Variants in AFTPH observed in about 807,000 individuals in gnomAD.
AFTPH encodes aftiphilin protein.
AFTPH carries 7 observed loss-of-function variants against 72.5 expected under a neutral mutation model. The observed-to-expected ratio is 0.10, with a 90% CI of 0.05 to 0.18. The LOEUF (loss-of-function observed/expected upper bound fraction) is 0.18, where lower values mean the gene tolerates loss of function less well. Among genes scored for constraint, AFTPH ranks in the 10% least tolerant of loss-of-function variants. The pLI is 1.00. For missense variants in AFTPH, 979 were observed against 1,060.5 expected (o/e 0.92, Z 1.07); for synonymous variants, 337 against 370.1 (o/e 0.91, Z 1.03).
At chr2:64,533,179 C>T (rs1267311229) in intron 1 of AFTPH, among the ~76,000 whole-genome samples, 4 of 152,068 alleles carry the variant, frequency 2.6e-5, no homozygotes, top group Non-Finnish European at 5.9e-5. Context: ...GGGTGGATTG[C>T]TTGAGCTCCA....
At chr2:64,584,033 A>C (rs962954036) in intron 7 of AFTPH, among the ~76,000 whole-genome samples, 2 of 152,108 alleles carry the variant, frequency 1.3e-5, no homozygotes, top group African/African-American at 2.4e-5. Context: ...TGCTGATCTT[A>C]CAGGGCATTT....
chr2:64,564,171 A>G (rs1431017457), intron 2 of AFTPH, among the ~76,000 whole-genome samples: 1 of 152,206 alleles, frequency 6.6e-6, no homozygotes, highest in Non-Finnish European at 1.5e-5. Flanking sequence ...ATTTCTTGTT[A>G]TATCATAATA....
chr2:64,542,144 T>C (rs1299283246), intron 1 of AFTPH, among the ~76,000 whole-genome samples: 1 of 152,214 alleles, frequency 6.6e-6, no homozygotes, highest in African/African-American at 2.4e-5. Context: ...TTTCTCCCAG[T>C]TGAGCAGTGT....
At chr2:64,558,402 C>G (rs1359123222) in intron 2 of AFTPH, among the ~76,000 whole-genome samples, 1 of 152,282 alleles carries the variant, frequency 6.6e-6, no homozygotes, top group South Asian at 2.1e-4. Flanking sequence ...TTTCTGGTCA[C>G]AGAAACATCA....
chr2:64,592,832 C>T (rs1673901146), exon 9 of AFTPH: 1 of 152,498 alleles, frequency 6.6e-6, no homozygotes, highest in African/African-American at 2.4e-5. Flanking sequence ...ATGGTTTAGG[C>T]TGTATATACA....
chr2:64,569,243 A>G (rs1672272427), intron 4 of AFTPH, 25 bp downstream of exon 4: 3 of 1,592,574 alleles, frequency 1.9e-6, no homozygotes, highest in South Asian at 2.3e-5. Flanking sequence ...ACCTTGAAAA[A>G]TCTTTTAATC....
chr2:64,585,159 GT>G (rs1251681352), intron 7 of AFTPH, among the ~76,000 whole-genome samples: 1 of 152,180 alleles, frequency 6.6e-6, no homozygotes, highest in East Asian at 1.9e-4. Flanking sequence ...AAGTATTTGG[GT>G]AGCATCTGCT....
chr2:64,574,986 G>A (rs1672674949), intron 6 of AFTPH, among the ~76,000 whole-genome samples: 1 of 152,126 alleles, frequency 6.6e-6, no homozygotes, highest in Admixed American at 6.6e-5. Context: ...TTCATACTTG[G>A]TACATTCACT....
intron 7 of AFTPH, among the ~76,000 whole-genome samples, chr2:64,584,830 T>C (rs963720432): frequency 2.0e-5 from 3 of 152,118 alleles, no homozygotes; most frequent in African/African-American, 4.8e-5. Context: ...TCTCCTGACT[T>C]TGTGATCTGC....
chr2:64,569,604 C>T lies in AFTPH; in HGVS notation c.2215-19C>T, dbSNP rs199877858. ...ATTATTCTCTAAATATATGTTCTTT[C>T]TGTCTAACGTGTGTGTAGCTCTTCA... On this transcript the variant is annotated intron_variant, in intron 4 of 8. Transcript: ENST00000238856. The T allele has an allele frequency of 6.2e-7, 1 of 1,611,942 alleles. No individual in the cohort carries two copies. Among genetic ancestry groups the T allele is most frequent in the Non-Finnish European group, 8.5e-7 (1 of 1,178,318 alleles).
chr2:64,560,698 C>G (rs943995689), intron 2 of AFTPH, among the ~76,000 whole-genome samples: 1 of 152,120 alleles, frequency 6.6e-6, no homozygotes, highest in Non-Finnish European at 1.5e-5. Flanking sequence ...CATGGTGAAA[C>G]CCCATCTCTA....
chr2:64,552,039 T>C (rs751994669), exon 2 of AFTPH: 7 of 1,613,998 alleles, frequency 4.3e-6, no homozygotes, highest in Non-Finnish European at 5.9e-6. Context: ...GTTTGCAGTG[T>C]TGGAAACTGT....
rs34951706 is a variant in AFTPH, at chr2:64,549,308, C to CTTTTTTTTTTT, written c.-32-2115_-32-2105dup. Among the ~76,000 whole-genome samples the CTTTTTTTTTTT allele has an allele frequency of 7.1e-5, 4 of 55,982 alleles. 1 individual carries two copies. The highest frequency in any genetic ancestry group is 1.8e-4 in the African/African-American group (3 of 16,366). The allele number at this position is 55,982 out of a possible 152,430, so 36.7% of individuals were successfully genotyped here. A position where few individuals can be genotyped will look rare whatever the true frequency, so the allele number is the denominator to read the frequency against. ...CTAGGACTTTGGCTGTTAGTCCTCCCTTTTTTTTTTTTTTTTTTTTTTTTT... is the reference window on the plus strand; with the variant it reads ...CTAGGACTTTGGCTGTTAGTCCTCCCTTTTTTTTTTTTTTTTTTTTTTTTTTTTTTTTTTTT... On this transcript the variant is annotated intron_variant, in intron 1 of 8. Transcript: ENST00000238856.
chr2:64,551,947 A>G (rs746069865), exon 2 of AFTPH: 2 of 1,613,506 alleles, frequency 1.2e-6, no homozygotes, highest in African/African-American at 1.3e-5. Context: ...TTTAGAACTA[A>G]TATGAATGTT....
chr2:64,538,251 C>T (rs1316618479), intron 1 of AFTPH, among the ~76,000 whole-genome samples: 1 of 152,032 alleles, frequency 6.6e-6, no homozygotes, highest in Non-Finnish European at 1.5e-5. Context: ...ATTGGGTACC[C>T]TGCAAATAAA....
chr2:64,535,174 AG>A (rs548506115), intron 1 of AFTPH, among the ~76,000 whole-genome samples: 9 of 152,362 alleles, frequency 5.9e-5, no homozygotes, highest in African/African-American at 2.2e-4. Flanking sequence ...CAATGAGTTT[AG>A]CAGTTCAGTT....
At chr2:64,582,007 T>C (rs1469013979) in intron 7 of AFTPH, among the ~76,000 whole-genome samples, 2 of 152,244 alleles carry the variant, frequency 1.3e-5, no homozygotes, top group Non-Finnish European at 2.9e-5. Flanking sequence ...ATGTACTTTG[T>C]CACTTTCTAA....
exon 2 of AFTPH, chr2:64,552,929 T>C: frequency 6.2e-7 from 1 of 1,614,182 alleles, no homozygotes; most frequent in Non-Finnish European, 8.5e-7. Flanking sequence ...GGGATATAAA[T>C]GCTGTTTCTT....
At chr2:64,525,089 G>C (rs1669174130) in intron 1 of AFTPH, among the ~76,000 whole-genome samples, 1 of 152,214 alleles carries the variant, frequency 6.6e-6, no homozygotes, top group Non-Finnish European at 1.5e-5. Flanking sequence ...CTGCTTCCAA[G>C]GGTCTCTGAA....
Sources: gnomAD v4.1 joint callset for allele counts (sites outside exome capture counted in the v4.1 genomes callset) on GRCh38, gnomAD v4.1.1 for gene constraint, MANE v1.5 for transcripts, NCBI Gene and HGNC (gene_info 2026-07-23, HGNC 2026-07-21) for gene names.